The following SMIM14 variants were observed in gnomAD, a reference collection of about 807,000 sequenced individuals.
SMIM14 encodes small integral membrane protein 14.
A neutral mutation model predicts 12.6 loss-of-function variants in SMIM14; 5 were observed. The ratio of observed to expected loss-of-function variants is 0.40; its 90% CI spans 0.21 to 0.83. The LOEUF (loss-of-function observed/expected upper bound fraction) is 0.83, where lower values mean the gene tolerates loss of function less well. Ranked by LOEUF, SMIM14 falls within the 40% of genes least tolerant of loss-of-function variation. SMIM14 has a pLI of 0.37. For missense variants in SMIM14, 86 were observed against 119.1 expected (o/e 0.72, Z 1.29); for synonymous variants, 30 against 40.1 (o/e 0.75, Z 0.95).
At chr4:39,601,515 A>G (rs1714610511) in intron 2 of SMIM14, among the ~76,000 whole-genome samples, 1 of 152,260 alleles carries the variant, frequency 6.6e-6, no homozygotes, top group African/African-American at 2.4e-5. Flanking sequence ...AAATTCTCGT[A>G]GTTATAACTA....
chr4:39,571,777 G>A (rs556543413), intron 3 of SMIM14, among the ~76,000 whole-genome samples: 1 of 151,970 alleles, frequency 6.6e-6, no homozygotes, highest in South Asian at 2.1e-4. Flanking sequence ...GTCAACAGTG[G>A]TTATCTTTAA....
intron 2 of SMIM14, among the ~76,000 whole-genome samples, chr4:39,580,092 GTTC>G (rs374296166): frequency 1.4e-3 from 208 of 152,260 alleles, no homozygotes; most frequent in African/African-American, 4.8e-3. Flanking sequence ...TGTTGGAGAT[GTTC>G]TTCTTTCTCA....
At position 39,605,088 on chromosome 4, in the gene SMIM14, T is replaced by C. The variant is rs765235803; in HGVS notation, c.58A>G (p.Arg20Gly). ...CATCTCACCAGATTGATCAGTCTTC[T>C]CATTGCATGTTCATGAGAGCAAACA... The part of the protein sequence containing the change: ...ECVCSHEHAM[R>G]RLINLLRQSQ... Residue 20 changes from arginine to glycine, a missense_variant, in exon 2 of 5, where the codon AGA becomes GGA. Coordinates refer to ENST00000295958, the MANE Select transcript of SMIM14 (RefSeq NM_174921.3). The C allele has an allele frequency of 1.9e-6, 3 of 1,607,608 alleles. No homozygotes were observed. In the South Asian group the frequency reaches 3.3e-5, roughly 18 times the overall value.
chr4:39,552,972 A>T (rs1711798102), intron 4 of SMIM14, among the ~76,000 whole-genome samples: 1 of 152,106 alleles, frequency 6.6e-6, no homozygotes, highest in South Asian at 2.1e-4. Flanking sequence ...TATTCCTAAG[A>T]TAGTGGAACT....
intron 2 of SMIM14, among the ~76,000 whole-genome samples, chr4:39,575,867 T>A (rs1176405304): frequency 6.6e-6 from 1 of 151,618 alleles, no homozygotes; most frequent in Non-Finnish European, 1.5e-5. Flanking sequence ...AGTGCTGGGA[T>A]TACAGGCGTG....
At chr4:39,578,776 G>A (rs1288245249) in intron 2 of SMIM14, among the ~76,000 whole-genome samples, 3 of 151,962 alleles carry the variant, frequency 2.0e-5, no homozygotes, top group African/African-American at 4.8e-5. Flanking sequence ...CAGGTGGATC[G>A]CCTGAGGTCA....
intron 1 of SMIM14, among the ~76,000 whole-genome samples, chr4:39,606,518 G>A (rs1370962051): frequency 6.6e-6 from 1 of 151,814 alleles, no homozygotes; most frequent in Admixed American, 6.6e-5. Flanking sequence ...GCGTGTGCTT[G>A]TAGTCCCAGC....
chr4:39,617,159 C>T (rs1715257271), intron 1 of SMIM14, among the ~76,000 whole-genome samples: 1 of 152,002 alleles, frequency 6.6e-6, no homozygotes, highest in South Asian at 2.1e-4. Flanking sequence ...ACAACAGATA[C>T]TACCCAAAAT....
intron 2 of SMIM14, among the ~76,000 whole-genome samples, chr4:39,598,656 T>C (rs987410177): frequency 5.3e-5 from 8 of 152,224 alleles, no homozygotes; most frequent in Non-Finnish European, 1.2e-4. Flanking sequence ...CAGTAAACTA[T>C]ACTGTAATTA....
At chr4:39,571,441 A>G (rs1021534751) in intron 3 of SMIM14, among the ~76,000 whole-genome samples, 1 of 152,070 alleles carries the variant, frequency 6.6e-6, no homozygotes, top group African/African-American at 2.4e-5. Flanking sequence ...TTAGCCATGC[A>G]TGGTGGTGCA....
intron 3 of SMIM14, among the ~76,000 whole-genome samples, chr4:39,557,737 A>G (rs1243831449): frequency 6.6e-6 from 1 of 152,150 alleles, no homozygotes; most frequent in Non-Finnish European, 1.5e-5. Flanking sequence ...AAAGCCACGA[A>G]TCCATATGAA....
chr4:39,571,828 G>T (rs1332009105), intron 3 of SMIM14, among the ~76,000 whole-genome samples: 1 of 151,306 alleles, frequency 6.6e-6, no homozygotes, highest in Non-Finnish European at 1.5e-5. Flanking sequence ...TTGAGACAGG[G>T]TCTCACTCCA....
intron 3 of SMIM14, among the ~76,000 whole-genome samples, chr4:39,559,855 G>C (rs541336816): frequency 6.6e-6 from 1 of 152,084 alleles, no homozygotes; most frequent in Admixed American, 6.6e-5. Flanking sequence ...GGCAGCTCAT[G>C]TCTGTAATCC....
chr4:39,601,192 A>T (rs1210690248), intron 2 of SMIM14, among the ~76,000 whole-genome samples: 2 of 152,194 alleles, frequency 1.3e-5, no homozygotes, highest in Non-Finnish European at 1.5e-5. Context: ...GGCAAAAACT[A>T]AACCACAGCC....
At chr4:39,609,994 T>C (rs1360094983) in intron 1 of SMIM14, among the ~76,000 whole-genome samples, 1 of 152,198 alleles carries the variant, frequency 6.6e-6, no homozygotes, top group East Asian at 1.9e-4. Flanking sequence ...CATGAGTGAT[T>C]TAACTTTTAA....
At chr4:39,569,419 G>A (rs1432535181) in intron 3 of SMIM14, among the ~76,000 whole-genome samples, 2 of 152,102 alleles carry the variant, frequency 1.3e-5, no homozygotes, top group Non-Finnish European at 2.9e-5. Flanking sequence ...TCTTGTTTCA[G>A]TTTCATATAT....
intron 1 of SMIM14, among the ~76,000 whole-genome samples, chr4:39,624,743 G>C (rs1354156651): frequency 7.0e-6 from 1 of 141,994 alleles, no homozygotes; most frequent in Non-Finnish European, 1.5e-5. Flanking sequence ...AGAATTGCTT[G>C]AACCTAGGAG....
intron 1 of SMIM14, among the ~76,000 whole-genome samples, chr4:39,631,511 T>G (rs1280514660): frequency 2.0e-5 from 3 of 151,620 alleles, no homozygotes; most frequent in South Asian, 2.1e-4. Flanking sequence ...ACAAAAAAAT[T>G]AGCCGGGCAT....
chr4:39,592,973 T>C (rs1714181411), intron 2 of SMIM14: 1 of 151,742 alleles, frequency 6.6e-6, no homozygotes, highest in African/African-American at 2.4e-5. Flanking sequence ...CTACCAGAGG[T>C]ACAAGGAGGA....
Sources: gnomAD v4.1 joint callset for allele counts (sites outside exome capture counted in the v4.1 genomes callset) on GRCh38, gnomAD v4.1.1 for gene constraint, MANE v1.5 for transcripts, NCBI Gene and HGNC (gene_info 2026-07-23, HGNC 2026-07-21) for gene names.